SIM1: variants seen among roughly 807,000 people sequenced by gnomAD.
SIM1 encodes the protein single-minded homolog 1.
In SIM1, 18 loss-of-function variants were observed where a neutral mutation model predicts 78.2. That is an observed-to-expected ratio of 0.23 (90% CI 0.16 to 0.34). SIM1 has a LOEUF of 0.34. Among genes scored for constraint, SIM1 ranks in the 10% least tolerant of loss-of-function variants. The probability of loss-of-function intolerance (pLI) is 1.00; values close to 1 mark genes in which losing one functional copy is unlikely to be tolerated. For synonymous variants in SIM1, 417 were observed against 385.2 expected, an observed-to-expected ratio of 1.08 and a Z score of -0.97; for missense variants, 939 against 975.1, an observed-to-expected ratio of 0.96 and a Z score of 0.49.
intron 9 of SIM1, among the ~76,000 whole-genome samples, chr6:100,428,975 A>G (rs1443107014): frequency 6.6e-6 from 1 of 152,154 alleles, no homozygotes; most frequent in African/African-American, 2.4e-5. Context: ...ACCTCATATT[A>G]CTGAAACCAC....
chr6:100,395,176 T>C (rs1770737986), intron 10 of SIM1, among the ~76,000 whole-genome samples: 1 of 152,228 alleles, frequency 6.6e-6, no homozygotes, highest in Admixed American at 6.5e-5. Context: ...CAAACAATTC[T>C]AGGTATTGTA....
At chr6:100,403,780 A>T (rs930964540) in intron 10 of SIM1, among the ~76,000 whole-genome samples, 3 of 152,228 alleles carry the variant, frequency 2.0e-5, no homozygotes, top group African/African-American at 4.8e-5. Flanking sequence ...CCATTATTAA[A>T]CACTTGCTAT....
At chr6:100,435,446 T>C (rs1028866855) in intron 9 of SIM1, among the ~76,000 whole-genome samples, 1 of 152,132 alleles carries the variant, frequency 6.6e-6, no homozygotes, top group African/African-American at 2.4e-5. Flanking sequence ...AGCTATGTTG[T>C]ATTGGCTGAG....
At chr6:100,464,284 C>T (rs944945515) in intron 1 of SIM1, among the ~76,000 whole-genome samples, 8 of 152,236 alleles carry the variant, frequency 5.3e-5, no homozygotes, top group Non-Finnish European at 8.8e-5. Flanking sequence ...ATCAGAATTC[C>T]TCCAAGGCGA....
chr6:100,418,857 T>C (rs1771481087), intron 10 of SIM1, among the ~76,000 whole-genome samples: 1 of 152,092 alleles, frequency 6.6e-6, no homozygotes, highest in African/African-American at 2.4e-5. Flanking sequence ...AGCTTCTCAT[T>C]AGATGTTCCA....
chr6:100,412,488 G>C (rs1474698254), intron 10 of SIM1, among the ~76,000 whole-genome samples: 1 of 149,922 alleles, frequency 6.7e-6, no homozygotes, highest in Non-Finnish European at 1.5e-5. Context: ...AGTGAGCCGA[G>C]ACAGTGCCAC....
chr6:100,454,092 G>A (rs1772585312), intron 2 of SIM1, among the ~76,000 whole-genome samples: 1 of 152,342 alleles, frequency 6.6e-6, no homozygotes, highest in East Asian at 1.9e-4. Flanking sequence ...CCCCCTGGTA[G>A]GACTCCAAGT....
Position 100,449,712 on chromosome 6 carries a change from G to A in SIM1, c.349-13C>T. On this transcript the variant is annotated splice_polypyrimidine_tract_variant and intron_variant, in intron 4 of 11. Coordinates refer to ENST00000369208, the MANE Select transcript of SIM1 (RefSeq NM_005068.3). ...CGGTCAGCTCTACCTGTAAAGAGGA[G>A]GATGTCGCCGTCGCCGTGGCGGTGG... 1 of 1,607,660 alleles carries A rather than the reference G, an allele frequency of 6.2e-7. No homozygotes were observed. The highest frequency in any genetic ancestry group is 8.5e-7 in the Non-Finnish European group (1 of 1,175,424).
intron 9 of SIM1, among the ~76,000 whole-genome samples, chr6:100,428,940 C>G (rs1771816445): frequency 6.6e-6 from 1 of 152,086 alleles, no homozygotes; most frequent in East Asian, 1.9e-4. Context: ...TTGTATTGCA[C>G]TCACTTATTG....
chr6:100,409,792 G>A (rs925176902), intron 10 of SIM1, among the ~76,000 whole-genome samples: 2 of 151,672 alleles, frequency 1.3e-5, no homozygotes, highest in African/African-American at 4.8e-5. Flanking sequence ...TGATTCATTG[G>A]TTGTTCAGGA....
chr6:100,412,623 G>GA (rs1562239733), intron 10 of SIM1, among the ~76,000 whole-genome samples: 1 of 67,068 alleles, frequency 1.5e-5, no homozygotes, highest in African/African-American at 6.1e-5. Context: ...AAAGAAAGAA[G>GA]GAAAGAAAGA....
At position 100,448,589 on chromosome 6, in the gene SIM1, C is replaced by G; in HGVS notation, c.633G>C (p.Val211=). Residue 211 remains valine, a synonymous_variant, in exon 7 of 12, where the codon GTG becomes GTC. Coordinates refer to ENST00000369208, the MANE Select transcript of SIM1 (RefSeq NM_005068.3). ...TGGGAGGCAGCGAGTGGCCCACGGC[C>G]ACCAGGCCCACGTTTTGGTAGCAGC... is the stretch of plus-strand genomic sequence containing the variant. ...FDGCYQNVGL[V]AVGHSLPPSA... is the part of the protein sequence containing the mutation. 6.2e-7 allele frequency: 1 copy of G among 1,614,090 alleles called. No homozygotes were observed. Among genetic ancestry groups the G allele is most frequent in the Non-Finnish European group, 8.5e-7 (1 of 1,180,014 alleles).
At chr6:100,421,165 T>C (rs541659941) in intron 9 of SIM1, among the ~76,000 whole-genome samples, 6 of 152,354 alleles carry the variant, frequency 3.9e-5, no homozygotes, top group African/African-American at 1.4e-4. Flanking sequence ...TCATTTTTTT[T>C]CGTTAAGTGG....
intron 10 of SIM1, among the ~76,000 whole-genome samples, chr6:100,403,494 G>T (rs1250887127): frequency 6.6e-6 from 1 of 152,184 alleles, no homozygotes; most frequent in Non-Finnish European, 1.5e-5. Flanking sequence ...TTTGCAAGGC[G>T]GCATGCCAGG....
intron 2 of SIM1, among the ~76,000 whole-genome samples, chr6:100,461,558 T>C (rs1772846226): frequency 6.6e-6 from 1 of 152,184 alleles, no homozygotes; most frequent in Non-Finnish European, 1.5e-5. Flanking sequence ...CGAGACCGGC[T>C]GGAAATCACG....
chr6:100,390,933 C>T lies in SIM1; in HGVS notation c.1729G>A (p.Glu577Lys), dbSNP rs1562229836. The change falls in exon 12 of 12, where the codon GAA becomes AAA. Residue 577 changes from glutamate (E) to lysine (K), a missense_variant. By Grantham distance (56) the Glu-to-Lys change is moderately conservative. Transcript: ENST00000369208. ...CTTAGCTGTAATCTGTTCTCTTCTT[C>T]TTTAATCATTTGCTGAGTGGCTCTT... ...LIRATQQMIKEEENRLQLRKA... is the reference protein window; with the variant it reads ...LIRATQQMIKKEENRLQLRKA... 1.9e-6 allele frequency: 3 copies of T among 1,614,118 alleles called. No individual in the cohort carries two copies. The East Asian group carries it at 6.7e-5, about 36-fold the overall frequency.
chr6:100,393,766 C>T lies in SIM1; in HGVS notation c.1291G>A (p.Asp431Asn), dbSNP rs1238799435. 1 of 1,614,072 alleles carries T rather than the reference C, an allele frequency of 6.2e-7. No individual in the cohort carries two copies. The highest frequency in any genetic ancestry group is 8.5e-7 in the Non-Finnish European group (1 of 1,180,034). Residue 431 changes from aspartate to asparagine, a missense_variant, in exon 11 of 12, where the codon GAC (aspartate) becomes AAC (asparagine). Asp to Asn is a conservative substitution (Grantham distance 23). Around this residue, in one of 5 missense-constraint regions of SIM1, gnomAD observed 556 missense variants for 521.9 expected, o/e 1.07. Coordinates refer to ENST00000369208, the MANE Select transcript of SIM1 (RefSeq NM_005068.3). ...AACTGTCTGTAGGCGCACGATGCGT[C>T]GTGCTGGGAGCCAGGCCTATCGGCG... is the stretch of plus-strand genomic sequence containing the variant. The part of the protein sequence containing the change: ...DPADRPGSQH[D>N]ASCAYRQFSD...
chr6:100,396,517 C>T (rs1030999336), intron 10 of SIM1, among the ~76,000 whole-genome samples: 3 of 152,130 alleles, frequency 2.0e-5, no homozygotes, highest in Non-Finnish European at 4.4e-5. Flanking sequence ...GAAGGATAAG[C>T]CTCTTGTCAA....
At chr6:100,442,711 T>G (rs933428912) in intron 9 of SIM1, among the ~76,000 whole-genome samples, 1 of 152,118 alleles carries the variant, frequency 6.6e-6, no homozygotes, top group Non-Finnish European at 1.5e-5. Flanking sequence ...ACTCCATAAC[T>G]ATATATGTTA....
Sources: allele counts gnomAD v4.1 joint callset (sites outside exome capture counted in the v4.1 genomes callset), GRCh38; gene constraint gnomAD v4.1.1; regional missense constraint gnomAD v4.1.1; transcripts MANE v1.5; gene names NCBI Gene and HGNC (gene_info 2026-07-23, HGNC 2026-07-21).